The following TENM3 variants were observed in gnomAD, a reference collection of about 807,000 sequenced individuals.
TENM3 encodes the protein teneurin transmembrane protein 3, also known as teneurin-3.
TENM3 carries 63 observed loss-of-function variants against 255.1 expected under a neutral mutation model. The observed-to-expected ratio is 0.25, with a 90% CI of 0.20 to 0.30. The LOEUF (loss-of-function observed/expected upper bound fraction) is 0.30. Ranked by LOEUF, TENM3 falls within the 10% of genes least tolerant of loss-of-function variation. TENM3 has a pLI of 1.00. For missense variants in TENM3, 2,929 were observed against 3,461.1 expected (o/e 0.85, Z 3.86); for synonymous variants, 1,306 against 1,322.3 (o/e 0.99, Z 0.27).
At chr4:182,149,965 T>G (rs1279737818) in intron 1 of TENM3, among the ~76,000 whole-genome samples, 3 of 152,104 alleles carry the variant, frequency 2.0e-5, no homozygotes, top group Non-Finnish European at 4.4e-5. Context: ...CATTTAATGA[T>G]ATAAAATTGT....
At chr4:181,955,572 A>G in the TENM3 span, among the ~76,000 whole-genome samples, 2 of 152,182 alleles carry the variant, frequency 1.3e-5, no homozygotes, top group African/African-American at 4.8e-5. Flanking sequence ...GCCAGTGATA[A>G]AAGGATGGTC....
chr4:182,545,208 A>C (rs1741311242), intron 3 of TENM3, among the ~76,000 whole-genome samples: 1 of 152,210 alleles, frequency 6.6e-6, no homozygotes, highest in South Asian at 2.1e-4. Flanking sequence ...GAAAAAAGTT[A>C]AGACAACATA....
At chr4:182,274,744 TAGAC>T (rs1759879720) in intron 1 of TENM3, among the ~76,000 whole-genome samples, 1 of 152,344 alleles carries the variant, frequency 6.6e-6, no homozygotes, top group East Asian at 1.9e-4. Context: ...TTAGAGTACA[TAGAC>T]AGAATACCTT....
At chr4:181,628,600 C>A in the TENM3 span, among the ~76,000 whole-genome samples, 1 of 152,076 alleles carries the variant, frequency 6.6e-6, no homozygotes, top group Non-Finnish European at 1.5e-5. Flanking sequence ...AATCCTTTCC[C>A]CATTGCTTGT....
chr4:181,764,967 T>C, the TENM3 span, among the ~76,000 whole-genome samples: 6 of 152,204 alleles, frequency 3.9e-5, no homozygotes, highest in Non-Finnish European at 7.3e-5. Context: ...AGTGCTGGGA[T>C]TACAGGCATG....
In TENM3 at chr4:182,150,285, T is replaced by C. The variant is rs1433726074; in HGVS notation, c.-76+5531T>C. ...AGAGGAGAAAATAGGAAATTGAATA[T>C]CTTTTATAATGAGCGATGGCCCTTT... On this transcript the variant is annotated intron_variant, in intron 1 of 2. Coordinates refer to the TENM3 transcript ENST00000512480. Among the ~76,000 whole-genome samples, 9 of 151,974 alleles carry C rather than the reference T, an allele frequency of 5.9e-5. No homozygotes were observed. The South Asian group carries it at 1.0e-3, about 18-fold the overall frequency.
intron 3 of TENM3, among the ~76,000 whole-genome samples, chr4:182,576,867 A>G (rs1455482519): frequency 6.6e-6 from 1 of 152,136 alleles, no homozygotes; most frequent in Non-Finnish European, 1.5e-5. Flanking sequence ...AAACCATTCC[A>G]CAGCTCTCTT....
At chr4:181,719,209 T>C in the TENM3 span, among the ~76,000 whole-genome samples, 1 of 138,924 alleles carries the variant, frequency 7.2e-6, no homozygotes, top group East Asian at 1.9e-4. Context: ...CGAGACTCCG[T>C]CTCAAAAAAT....
At chr4:181,570,400 C>A in the TENM3 span, among the ~76,000 whole-genome samples, 3 of 151,948 alleles carry the variant, frequency 2.0e-5, no homozygotes, top group South Asian at 6.2e-4. Context: ...GCTCAGGAGG[C>A]TGAGTTGGGA....
chr4:181,855,979 G>A, the TENM3 span, among the ~76,000 whole-genome samples: 2 of 142,180 alleles, frequency 1.4e-5, no homozygotes, highest in African/African-American at 2.6e-5. Flanking sequence ...AGGAAAAGAG[G>A]GAGGAAAGAA....
the TENM3 span, among the ~76,000 whole-genome samples, chr4:181,562,944 G>A: frequency 6.6e-6 from 1 of 152,190 alleles, no homozygotes; most frequent in Admixed American, 6.5e-5. Context: ...CAAAGTGCTG[G>A]GATTACAGGA....
At chr4:181,950,273 A>T in the TENM3 span, among the ~76,000 whole-genome samples, 4 of 149,544 alleles carry the variant, frequency 2.7e-5, no homozygotes, top group South Asian at 8.6e-4. Context: ...TCCTTTATCT[A>T]CCCAAATCCT....
chr4:182,535,231 T>C (rs1263180674), intron 3 of TENM3, among the ~76,000 whole-genome samples: 1 of 152,210 alleles, frequency 6.6e-6, no homozygotes, highest in Non-Finnish European at 1.5e-5. Context: ...GGAAAATAAA[T>C]TCTCAGTGAG....
At chr4:181,522,886 T>C in the TENM3 span, 5 of 978,086 alleles carry the variant, frequency 5.1e-6, no homozygotes, top group Non-Finnish European at 8.1e-6. Context: ...GTGGTTGTGA[T>C]GATAGCAGTT....
intron 1 of TENM3, among the ~76,000 whole-genome samples, chr4:182,288,125 G>A (rs1014320346): frequency 5.9e-5 from 9 of 151,868 alleles, no homozygotes; most frequent in African/African-American, 1.9e-4. Context: ...TAGTAGAGAC[G>A]AGATTTCTCC....
chr4:182,260,841 C>A (rs149242128), intron 1 of TENM3, among the ~76,000 whole-genome samples: 5 of 152,058 alleles, frequency 3.3e-5, no homozygotes, highest in African/African-American at 1.2e-4. Flanking sequence ...CAGGAAATAG[C>A]AAATAAAAAG....
intron 2 of TENM3, among the ~76,000 whole-genome samples, chr4:182,330,414 G>A (rs916287533): frequency 1.3e-5 from 2 of 152,208 alleles, no homozygotes; most frequent in African/African-American, 4.8e-5. Flanking sequence ...GTGTCCTTGT[G>A]TCTTCAGAGA....
the TENM3 span, among the ~76,000 whole-genome samples, chr4:181,719,079 G>A: frequency 5.7e-4 from 87 of 151,480 alleles, 1 homozygote; most frequent in African/African-American, 1.9e-3. Flanking sequence ...GGTGGCGGGC[G>A]CCTGTAGTCC....
chr4:182,724,926 CAAGT>C (rs751000306), intron 13 of TENM3, among the ~76,000 whole-genome samples: 6 of 152,128 alleles, frequency 3.9e-5, no homozygotes, highest in Non-Finnish European at 8.8e-5. Context: ...CGAAATCCAT[CAAGT>C]AAGAACTAAA....
Sources: gnomAD v4.1 joint callset for allele counts (sites outside exome capture counted in the v4.1 genomes callset) on GRCh38, gnomAD v4.1.1 for gene constraint, MANE v1.5 for transcripts, NCBI Gene and HGNC (gene_info 2026-07-23, HGNC 2026-07-21) for gene names.